Variants in TRPC4 observed in about 807,000 individuals in gnomAD.
The protein encoded by TRPC4 is short transient receptor potential channel 4.
Under a neutral mutation model 99.4 loss-of-function variants are expected in TRPC4, and 49 were observed. The observed-to-expected ratio is 0.49, with a 90% CI of 0.39 to 0.63. The LOEUF (loss-of-function observed/expected upper bound fraction) is 0.63, where lower values mean the gene tolerates loss of function less well. Among genes scored for constraint, TRPC4 ranks in the 20% least tolerant of loss-of-function variants. The probability of loss-of-function intolerance (pLI) is 0.00; values close to 1 mark genes in which losing one functional copy is unlikely to be tolerated. For synonymous variants in TRPC4, 454 were observed against 425.9 expected, an observed-to-expected ratio of 1.07 and a Z score of -0.81; for missense variants, 898 against 1,152.9, an observed-to-expected ratio of 0.78 and a Z score of 3.20.
chr13:37,853,367 C>G (rs1223472406), intron 1 of TRPC4, among the ~76,000 whole-genome samples: 1 of 152,130 alleles, frequency 6.6e-6, no homozygotes, highest in African/African-American at 2.4e-5. Context: ...AGGCAGGACC[C>G]CTACAAGTCT....
At chr13:37,861,551 T>C (rs1483250670) in intron 1 of TRPC4, among the ~76,000 whole-genome samples, 1 of 151,630 alleles carries the variant, frequency 6.6e-6, no homozygotes, top group Non-Finnish European at 1.5e-5. Flanking sequence ...TTTTATATGA[T>C]GGAAAAATAT....
intron 5 of TRPC4, among the ~76,000 whole-genome samples, chr13:37,672,053 A>G (rs1196075431): frequency 6.6e-6 from 1 of 152,208 alleles, no homozygotes; most frequent in Non-Finnish European, 1.5e-5. Context: ...AATTCTAAAC[A>G]TGAAGAACAA....
At chr13:37,696,305 A>T (rs1276958169) in intron 3 of TRPC4, among the ~76,000 whole-genome samples, 1 of 152,202 alleles carries the variant, frequency 6.6e-6, no homozygotes, top group African/African-American at 2.4e-5. Flanking sequence ...TCAAGATGAG[A>T]TTTGGGTGGG....
chr13:37,639,430 AATGGCTAAAGAGTGCTGCAC>A, intron 8 of TRPC4, 131 bp from the exon 9 acceptor site: 1 of 867,282 alleles, frequency 1.2e-6, no homozygotes. Flanking sequence ...GTCAATGGAC[AATGGCTAAAGAGTGCTGCAC>A]ATGAATCAAA....
At chr13:37,767,602 A>G (rs1027140011) in intron 2 of TRPC4, among the ~76,000 whole-genome samples, 10 of 151,358 alleles carry the variant, frequency 6.6e-5, no homozygotes, top group Admixed American at 6.6e-5. Context: ...ATATTCCCAC[A>G]TAATTTCTTA....
At chr13:37,727,789 G>T (rs370966678) in intron 3 of TRPC4, among the ~76,000 whole-genome samples, 56 of 151,984 alleles carry the variant, frequency 3.7e-4, no homozygotes, top group African/African-American at 1.3e-3. Flanking sequence ...CAACAGATTG[G>T]ATAACTTAAA....
intron 2 of TRPC4, among the ~76,000 whole-genome samples, chr13:37,779,783 C>T (rs1956792727): frequency 6.6e-6 from 1 of 152,060 alleles, no homozygotes; most frequent in Non-Finnish European, 1.5e-5. Flanking sequence ...CCAATTTGGT[C>T]TCATAAGTCT....
intron 3 of TRPC4, among the ~76,000 whole-genome samples, chr13:37,693,077 A>AGG (rs1953774187): frequency 6.6e-6 from 1 of 151,864 alleles, no homozygotes; most frequent in African/African-American, 2.4e-5. Flanking sequence ...ACTGTATGTT[A>AGG]AGGTTACATA....
chr13:37,721,673 A>G (rs1019532876), intron 3 of TRPC4, among the ~76,000 whole-genome samples: 6 of 152,224 alleles, frequency 3.9e-5, no homozygotes, highest in African/African-American at 1.4e-4. Context: ...TCATTTATAA[A>G]TAACTTAGAA....
chr13:37,736,158 A>G (rs1955387606), intron 3 of TRPC4, among the ~76,000 whole-genome samples: 1 of 152,212 alleles, frequency 6.6e-6, no homozygotes, highest in Admixed American at 6.5e-5. Flanking sequence ...TCTGAAAAGT[A>G]CTGAATAGGC....
intron 1 of TRPC4, among the ~76,000 whole-genome samples, chr13:37,791,498 G>A (rs1229682625): frequency 6.6e-6 from 1 of 151,728 alleles, no homozygotes; most frequent in Non-Finnish European, 1.5e-5. Flanking sequence ...TATACATGGT[G>A]CTCAGGAAAG....
chr13:37,731,142 T>C (rs558639523), intron 3 of TRPC4, among the ~76,000 whole-genome samples: 48 of 152,166 alleles, frequency 3.2e-4, no homozygotes, highest in Middle Eastern at 3.4e-3. Context: ...TCAGAATTTA[T>C]TACATTACAA....
At position 37,812,915 on chromosome 13, in the gene TRPC4, G is replaced by C. The variant is rs563087578; in HGVS notation, c.-27-29555C>G. Among the ~76,000 whole-genome samples, 401 of 151,746 alleles carry C rather than the reference G, an allele frequency of 2.6e-3. 3 individuals are homozygous for C. Among genetic ancestry groups the C allele is most frequent in the African/African-American group, 8.9e-3 (370 of 41,438 alleles). On this transcript the variant is annotated intron_variant, in intron 1 of 10. Coordinates refer to ENST00000379705, the MANE Select transcript of TRPC4 (RefSeq NM_016179.4). ...AACAAAAAATGACATGCCACGTAAAGAGAAACAAAGATAAGCAACGACAAC... is the reference window on the plus strand; with the variant it reads ...AACAAAAAATGACATGCCACGTAAACAGAAACAAAGATAAGCAACGACAAC...
chr13:37,836,266 A>G (rs888341372), intron 1 of TRPC4, among the ~76,000 whole-genome samples: 2 of 152,220 alleles, frequency 1.3e-5, no homozygotes, highest in Non-Finnish European at 2.9e-5. Flanking sequence ...AAAATAATAC[A>G]GTAAGTTGGT....
intron 3 of TRPC4, among the ~76,000 whole-genome samples, chr13:37,729,964 G>C (rs956771928): frequency 2.0e-5 from 3 of 151,956 alleles, no homozygotes; most frequent in Non-Finnish European, 4.4e-5. Context: ...ACACAAAATG[G>C]TTAAGATAGT....
intron 3 of TRPC4, among the ~76,000 whole-genome samples, chr13:37,723,944 C>T (rs1954953176): frequency 6.6e-6 from 1 of 152,006 alleles, no homozygotes; most frequent in South Asian, 2.1e-4. Context: ...AAAAATCTAT[C>T]CTGCAGACAA....
intron 2 of TRPC4, among the ~76,000 whole-genome samples, chr13:37,768,380 C>A (rs1956446890): frequency 6.6e-6 from 1 of 151,464 alleles, no homozygotes; most frequent in African/African-American, 2.4e-5. Context: ...TACCATGTAG[C>A]AGGGCTTTCC....
intron 1 of TRPC4, among the ~76,000 whole-genome samples, chr13:37,808,878 A>C (rs1457063790): frequency 6.6e-6 from 1 of 151,344 alleles, no homozygotes; most frequent in Non-Finnish European, 1.5e-5. Flanking sequence ...CCGTATGTAC[A>C]ATAGAGAAAC....
intron 3 of TRPC4, among the ~76,000 whole-genome samples, chr13:37,722,300 A>G (rs1401080205): frequency 3.3e-5 from 5 of 152,166 alleles, no homozygotes; most frequent in Admixed American, 1.3e-4. Context: ...CACTGGAGTC[A>G]AATCAATCAC....
Sources: gnomAD v4.1 joint callset for allele counts (sites outside exome capture counted in the v4.1 genomes callset) on GRCh38, gnomAD v4.1.1 for gene constraint, MANE v1.5 for transcripts, NCBI Gene and HGNC (gene_info 2026-07-23, HGNC 2026-07-21) for gene names.